CBFB: variants seen among roughly 807,000 people sequenced by gnomAD.
The protein encoded by CBFB is CBF-beta.
CBFB carries 9 observed loss-of-function variants against 30.4 expected under a neutral mutation model. The observed-to-expected ratio is 0.30, with a 90% CI of 0.18 to 0.52. CBFB has a LOEUF of 0.52. CBFB is among the 20% of genes least tolerant of loss of function. CBFB has a pLI of 0.97. For missense variants in CBFB, 170 were observed against 244.0 expected, an observed-to-expected ratio of 0.70 and a Z score of 2.02; for synonymous variants, 94 against 84.0, an observed-to-expected ratio of 1.12 and a Z score of -0.65.
intron 5 of CBFB, among the ~76,000 whole-genome samples, chr16:67,092,696 A>ATTTTTTTTTTTTTTTTTTTTTTTTTT (rs1162307047): frequency 7.4e-5 from 7 of 94,662 alleles, no homozygotes; most frequent in African/African-American, 2.4e-4. Context: ...CAGTGGTGCA[A>ATTTTTTTTTTTTTTTTTTTTTTTTTT]TCTTTTTTTT....
At chr16:67,031,930 G>A (rs925034656) in intron 2 of CBFB, among the ~76,000 whole-genome samples, 15 of 151,918 alleles carry the variant, frequency 9.9e-5, no homozygotes, top group African/African-American at 2.7e-4. Flanking sequence ...GGGCTCAAGC[G>A]ATCCTCTTGC....
At chr16:67,087,799 GC>G in intron 5 of CBFB, among the ~76,000 whole-genome samples, 1 of 152,260 alleles carries the variant, frequency 6.6e-6, no homozygotes, top group Middle Eastern at 3.4e-3. Flanking sequence ...TGCCTCAAGA[GC>G]CCTAATTTTC....
intron 3 of CBFB, among the ~76,000 whole-genome samples, chr16:67,044,736 T>G (rs919081612): frequency 1.3e-5 from 2 of 152,198 alleles, no homozygotes; most frequent in African/African-American, 4.8e-5. Context: ...CATATTGTGT[T>G]TGTTTATATA....
intron 3 of CBFB, among the ~76,000 whole-genome samples, chr16:67,046,702 C>T (rs1966634137): frequency 6.6e-6 from 1 of 152,216 alleles, no homozygotes; most frequent in South Asian, 2.1e-4. Flanking sequence ...CATACATGCA[C>T]TGATACTTTT....
At chr16:67,042,209 C>T (rs1227048948) in intron 3 of CBFB, among the ~76,000 whole-genome samples, 1 of 151,772 alleles carries the variant, frequency 6.6e-6, no homozygotes, top group Non-Finnish European at 1.5e-5. Context: ...CAGGCATGAG[C>T]CACCACGCCC....
chr16:67,084,692 G>T (rs1378185326), intron 5 of CBFB, among the ~76,000 whole-genome samples: 1 of 152,122 alleles, frequency 6.6e-6, no homozygotes, highest in African/African-American at 2.4e-5. Flanking sequence ...ACATAATGAA[G>T]AAAATTTGTG....
At chr16:67,045,319 C>G (rs939367398) in intron 3 of CBFB, among the ~76,000 whole-genome samples, 4 of 151,962 alleles carry the variant, frequency 2.6e-5, no homozygotes, top group Admixed American at 1.3e-4. Context: ...AGTTCGAGAC[C>G]AGACTGGCCA....
At position 67,029,731 on chromosome 16, in the gene CBFB, A is replaced by G; in HGVS notation, c.83A>G (p.Lys28Arg). ...TCGGGCCGTCTTGCCTTGCAGATTA[A>G]GTACACGGGCTTCAGGGACCGGCCC... ...FRKLSRECEI[K>R]YTGFRDRPHE... Residue 28 changes from lysine (K) to arginine (R), a missense_variant, in exon 2 of 6, where the codon AAG becomes AGG. Transcript: ENST00000412916. 6.3e-7 allele frequency: 1 copy of G among 1,591,172 alleles called. No individual in the cohort carries two copies. Among genetic ancestry groups the G allele is most frequent in the Non-Finnish European group, 8.5e-7 (1 of 1,170,518 alleles).
chr16:67,086,758 G>T (rs1330594668), intron 5 of CBFB, among the ~76,000 whole-genome samples: 1 of 152,152 alleles, frequency 6.6e-6, no homozygotes, highest in African/African-American at 2.4e-5. Flanking sequence ...TAGGGACTGA[G>T]AAATATATAG....
chr16:67,072,781 T>C (rs1002262315), intron 4 of CBFB, among the ~76,000 whole-genome samples: 4 of 152,016 alleles, frequency 2.6e-5, no homozygotes, highest in Non-Finnish European at 4.4e-5. Flanking sequence ...TTTCTTTTTT[T>C]TTTTTTAGCG....
At position 67,073,877 on chromosome 16, in the gene CBFB, C is replaced by G. The variant is rs368578271; in HGVS notation, c.399+7079C>G. Among the ~76,000 whole-genome samples the G allele has an allele frequency of 4.0e-5, 6 of 151,808 alleles. No homozygotes were observed. In the East Asian group the frequency reaches 5.8e-4, roughly 15 times the overall value. ...ATGGTGAAACCCGTCTCAACCAAAA[C>G]TACAAAAATTAGCCGGGCATGGTGG... On this transcript the variant is annotated intron_variant, in intron 4 of 5. Transcript: ENST00000412916.
At chr16:67,031,929 C>T (rs1356900827) in intron 2 of CBFB, among the ~76,000 whole-genome samples, 3 of 151,968 alleles carry the variant, frequency 2.0e-5, no homozygotes, top group Non-Finnish European at 2.9e-5. Flanking sequence ...TGGGCTCAAG[C>T]GATCCTCTTG....
At chr16:67,071,754 A>G (rs1179201739) in intron 4 of CBFB, among the ~76,000 whole-genome samples, 3 of 152,192 alleles carry the variant, frequency 2.0e-5, no homozygotes, top group Admixed American at 2.0e-4. Context: ...TGTGCCTAGC[A>G]CAGTATCTAG....
intron 2 of CBFB, among the ~76,000 whole-genome samples, chr16:67,035,090 T>A (rs1169334763): frequency 6.6e-6 from 1 of 152,118 alleles, no homozygotes; most frequent in Non-Finnish European, 1.5e-5. Flanking sequence ...TTTTTGTTTT[T>A]TGTTTTTGTG....
At chr16:67,055,782 A>G (rs902957216) in intron 3 of CBFB, among the ~76,000 whole-genome samples, 2 of 152,200 alleles carry the variant, frequency 1.3e-5, no homozygotes, top group Non-Finnish European at 2.9e-5. Context: ...GTTATGATTC[A>G]GAGGCAAACA....
intron 3 of CBFB, among the ~76,000 whole-genome samples, chr16:67,054,791 C>T (rs558527293): frequency 3.3e-5 from 5 of 152,164 alleles, no homozygotes; most frequent in Admixed American, 3.3e-4. Flanking sequence ...CTCGCTCTGT[C>T]GCCCAGGCTG....
intron 4 of CBFB, among the ~76,000 whole-genome samples, chr16:67,069,002 G>A (rs1961140340): frequency 6.6e-6 from 1 of 152,064 alleles, no homozygotes; most frequent in South Asian, 2.1e-4. Context: ...ATCACCTGAG[G>A]TCAGGAATTC....
intron 3 of CBFB, among the ~76,000 whole-genome samples, chr16:67,050,115 T>A (rs1400048749): frequency 6.7e-6 from 1 of 150,104 alleles, no homozygotes. Context: ...TTATTTAGAG[T>A]TATTTTGGTC....
intron 3 of CBFB, among the ~76,000 whole-genome samples, chr16:67,048,443 C>T (rs1317398599): frequency 2.0e-5 from 3 of 152,278 alleles, no homozygotes; most frequent in South Asian, 4.1e-4. Context: ...AGACTATACT[C>T]ACTTTTTTAA....
Sources: gnomAD v4.1 joint callset for allele counts (sites outside exome capture counted in the v4.1 genomes callset) on GRCh38, gnomAD v4.1.1 for gene constraint, MANE v1.5 for transcripts, NCBI Gene and HGNC (gene_info 2026-07-23, HGNC 2026-07-21) for gene names.